Variants in TGIF1 observed in about 807,000 individuals in gnomAD.
TGIF1 encodes the protein homeobox protein TGIF1.
TGIF1 carries 4 observed loss-of-function variants against 19.3 expected under a neutral mutation model. The observed-to-expected ratio is 0.21, with a 90% CI of 0.10 to 0.47. The LOEUF is 0.47. Among genes scored for constraint, TGIF1 ranks in the 20% least tolerant of loss-of-function variants. The pLI is 0.98. For synonymous variants in TGIF1, 122 were observed against 129.3 expected, an observed-to-expected ratio of 0.94 and a Z score of 0.38; for missense variants, 275 against 341.4, an observed-to-expected ratio of 0.81 and a Z score of 1.53.
upstream of TGIF1, among the ~76,000 whole-genome samples, chr18:3,445,756 G>GAA (rs1568041628): frequency 1.7e-3 from 38 of 22,710 alleles, no homozygotes; most frequent in African/African-American, 6.9e-3. Context: ...AAAAAAAAGA[G>GAA]AAGAAAAGCA....
chr18:3,423,424 A>G (rs1042327054), intron 2 of TGIF1, among the ~76,000 whole-genome samples: 2 of 152,198 alleles, frequency 1.3e-5, no homozygotes, highest in South Asian at 2.1e-4. Context: ...TCACGCTTGT[A>G]ATCCCAGCAC....
intron 2 of TGIF1, among the ~76,000 whole-genome samples, chr18:3,419,379 T>C (rs540089469): frequency 6.6e-6 from 1 of 152,350 alleles, no homozygotes; most frequent in South Asian, 2.1e-4. Flanking sequence ...TTCTGGACCT[T>C]ATTGAGAATA....
At chr18:3,447,585 C>G (rs369857912), upstream of TGIF1, 1 of 858,338 alleles carries the variant, frequency 1.2e-6, no homozygotes. Context: ...ACCAAGAATC[C>G]GAAACTCCAA....
intron 1 of TGIF1, among the ~76,000 whole-genome samples, chr18:3,413,579 G>GTT (rs11368421): frequency 4.0e-5 from 6 of 151,004 alleles, no homozygotes; most frequent in African/African-American, 1.5e-4. Flanking sequence ...ATTTTATAAG[G>GTT]TTTTTTTTTG....
upstream of TGIF1, among the ~76,000 whole-genome samples, chr18:3,445,734 A>T (rs2082734229): frequency 8.5e-6 from 1 of 118,158 alleles, no homozygotes. Flanking sequence ...AAAAAAAAAA[A>T]AAAAAAAAAA....
chr18:3,413,699 G>A (rs539802842), intron 1 of TGIF1, among the ~76,000 whole-genome samples: 4 of 152,094 alleles, frequency 2.6e-5, no homozygotes, highest in East Asian at 3.9e-4. Flanking sequence ...GGGAGACCTC[G>A]TCTCTATAAT....
chr18:3,414,195 C>T (rs535607444), intron 1 of TGIF1, among the ~76,000 whole-genome samples: 13 of 152,312 alleles, frequency 8.5e-5, no homozygotes, highest in Admixed American at 3.3e-4. Context: ...AATTATATTA[C>T]AATGTTAAGT....
At chr18:3,431,820 T>A (rs2082550605) in intron 2 of TGIF1, among the ~76,000 whole-genome samples, 1 of 152,128 alleles carries the variant, frequency 6.6e-6, no homozygotes, top group Non-Finnish European at 1.5e-5. Context: ...CACATTAAAA[T>A]CACGTGCCAC....
rs1381974944 is a variant in TGIF1, at chr18:3,457,538, C to A, written c.417C>A (p.Thr139=). 1 of 1,614,118 alleles carries A rather than the reference C, an allele frequency of 6.2e-7. No individual in the cohort carries two copies. Among genetic ancestry groups the A allele is most frequent in the South Asian group, 1.1e-5 (1 of 91,074 alleles). The change falls in exon 3 of 3, where the codon ACC becomes ACA. Residue 139 remains threonine, a synonymous_variant. Coordinates refer to ENST00000343820, the MANE Select transcript of TGIF1 (RefSeq NM_003244.4). The surrounding 1 kb of genome is among the most constrained non-coding windows in gnomAD (Gnocchi z 4.9). ...ACTTCATGCCAGCTCTAGAGGAGAC[C>A]CCATTTCATTCCTGTACAGCTGGGC... ...IKNFMPALEE[T]PFHSCTAGPN...
intron 2 of TGIF1, among the ~76,000 whole-genome samples, chr18:3,419,356 C>G (rs1598853306): frequency 6.6e-6 from 1 of 152,268 alleles, no homozygotes; most frequent in East Asian, 1.9e-4. Context: ...AGTTGGTCCC[C>G]CATTCGACAG....
At chr18:3,427,189 C>G (rs925685315) in intron 2 of TGIF1, among the ~76,000 whole-genome samples, 1 of 152,130 alleles carries the variant, frequency 6.6e-6, no homozygotes, top group Non-Finnish European at 1.5e-5. Context: ...GGCAATCCAC[C>G]CGCCTCGGCC....
chr18:3,458,200 T>C lies in TGIF1; in HGVS notation c.*260T>C, dbSNP rs2008753226. ...TAATGTGAGATGGTTCCCAATATCA[T>C]GTGATTTTTTTTTTCCTCCCCTTCC... On this transcript the variant is annotated 3_prime_UTR_variant, in exon 3 of 3. Coordinates refer to ENST00000343820, the MANE Select transcript of TGIF1 (RefSeq NM_003244.4). The C allele has an allele frequency of 2.3e-6, 1 of 440,418 alleles. No homozygotes were observed. Among genetic ancestry groups the C allele is most frequent in the Non-Finnish European group, 3.9e-6 (1 of 254,942 alleles). 27.3% of individuals were successfully genotyped at this position (440,418 alleles called of 1,614,324 possible).
At chr18:3,431,083 G>A (rs79110261) in intron 2 of TGIF1, among the ~76,000 whole-genome samples, 2 of 152,268 alleles carry the variant, frequency 1.3e-5, no homozygotes, top group East Asian at 1.9e-4. Flanking sequence ...GAGGTAAGTC[G>A]AAAGGATAAG....
intron 1 of TGIF1, 132 bp downstream of exon 1, chr18:3,450,637 T>A: frequency 1.3e-6 from 2 of 1,522,266 alleles, no homozygotes; most frequent in Non-Finnish European, 1.8e-6. Flanking sequence ...GCGGCCGTGC[T>A]CTTTGTTGAG....
upstream of TGIF1, chr18:3,449,546 G>T: frequency 7.4e-5 from 14 of 189,938 alleles, no homozygotes; most frequent in Non-Finnish European, 8.4e-5. Flanking sequence ...ATTCCCCCCC[G>T]CCCCACCCCC....
chr18:3,433,458 C>T (rs1333674946), intron 2 of TGIF1, among the ~76,000 whole-genome samples: 1 of 152,218 alleles, frequency 6.6e-6, no homozygotes, highest in Non-Finnish European at 1.5e-5. Context: ...TATTCTATAA[C>T]ATGGCCGAAG....
chr18:3,449,538 T>A, upstream of TGIF1: 1 of 961,948 alleles, frequency 1.0e-6, no homozygotes, highest in African/African-American at 1.8e-5. Flanking sequence ...GTCTCATCAT[T>A]CCCCCCCGCC....
chr18:3,433,057 CCTTCTT>C (rs1168088521), intron 2 of TGIF1, among the ~76,000 whole-genome samples: 3 of 151,348 alleles, frequency 2.0e-5, no homozygotes, highest in Non-Finnish European at 4.4e-5. Context: ...CTGCGCCTGG[CCTTCTT>C]CTTCTTCTTC....
chr18:3,419,100 A>G (rs554325408), intron 2 of TGIF1, among the ~76,000 whole-genome samples: 1 of 152,326 alleles, frequency 6.6e-6, no homozygotes, highest in East Asian at 1.9e-4. Flanking sequence ...AATAGTTATA[A>G]TACTGTGATT....
Sources: allele counts gnomAD v4.1 joint callset (sites outside exome capture counted in the v4.1 genomes callset), GRCh38; gene constraint gnomAD v4.1.1; non-coding constraint Gnocchi (gnomAD v3.1); transcripts MANE v1.5; gene names NCBI Gene and HGNC (gene_info 2026-07-23, HGNC 2026-07-21).